Variants in KCND3 observed in about 807,000 individuals in gnomAD.
The protein encoded by KCND3 is potassium voltage-gated channel subfamily D member 3, also known as A-type voltage-gated potassium channel KCND3.
KCND3 carries 9 observed loss-of-function variants against 51.1 expected under a neutral mutation model. The ratio of observed to expected loss-of-function variants is 0.18; its 90% CI spans 0.11 to 0.31. The LOEUF (loss-of-function observed/expected upper bound fraction) is 0.31. Among genes scored for constraint, KCND3 ranks in the 10% least tolerant of loss-of-function variants. The pLI, the probability that KCND3 is intolerant of heterozygous loss-of-function variation, is 1.00. For missense variants in KCND3, 526 were observed against 903.8 expected, an observed-to-expected ratio of 0.58 and a Z score of 5.36; for synonymous variants, 349 against 368.0, an observed-to-expected ratio of 0.95 and a Z score of 0.59.
chr1:111,785,906 A>G (rs1664583621), intron 3 of KCND3, among the ~76,000 whole-genome samples: 2 of 152,152 alleles, frequency 1.3e-5, no homozygotes, highest in African/African-American at 4.8e-5. Context: ...TGCTCAGTAA[A>G]TGTTTGTGGA....
At chr1:111,918,164 T>C (rs1671311032) in intron 2 of KCND3, among the ~76,000 whole-genome samples, 1 of 152,206 alleles carries the variant, frequency 6.6e-6, no homozygotes, top group Non-Finnish European at 1.5e-5. Context: ...GCAAGTGGCT[T>C]AGATTTAATG....
Position 111,778,419 on chromosome 1 carries a change from T to G in KCND3, c.1518+17A>C, listed in dbSNP as rs781055335. ...ATCAGAGAGAAAAACATCAATTGAA[T>G]TTTTAAAAAGTTATACCTTGATGGT... On this transcript the variant is annotated intron_variant, in intron 6 of 7. Coordinates refer to ENST00000302127, the MANE Select transcript of KCND3 (RefSeq NM_001378969.1). The G allele has an allele frequency of 2.7e-5, 43 of 1,610,518 alleles. 1 individual carries two copies. The highest frequency in any genetic ancestry group is 1.2e-4 in the Admixed American group (7 of 59,994).
At chr1:111,963,048 G>A (rs1430996520) in intron 2 of KCND3, among the ~76,000 whole-genome samples, 5 of 152,178 alleles carry the variant, frequency 3.3e-5, no homozygotes, top group African/African-American at 4.8e-5. Flanking sequence ...GAGATCTTGA[G>A]CAGGCCACCA....
At chr1:111,851,039 T>C (rs1667792744) in intron 2 of KCND3, among the ~76,000 whole-genome samples, 2 of 152,272 alleles carry the variant, frequency 1.3e-5, no homozygotes, top group South Asian at 2.1e-4. Flanking sequence ...CTTAGAATCA[T>C]TCCCACTGAC....
intron 2 of KCND3, among the ~76,000 whole-genome samples, chr1:111,873,418 G>T (rs959794808): frequency 1.3e-5 from 2 of 152,210 alleles, no homozygotes; most frequent in Admixed American, 6.5e-5. Context: ...TGGCATGATA[G>T]GTGGTGGGAA....
intron 2 of KCND3, among the ~76,000 whole-genome samples, chr1:111,864,314 TG>T (rs1668460309): frequency 6.6e-6 from 1 of 152,150 alleles, no homozygotes; most frequent in South Asian, 2.1e-4. Flanking sequence ...TTGCTGTTGG[TG>T]GGGCAGCCTC....
chr1:111,974,420 A>T (rs1026984679), intron 2 of KCND3, among the ~76,000 whole-genome samples: 2 of 151,760 alleles, frequency 1.3e-5, no homozygotes, highest in Admixed American at 6.6e-5. Context: ...CACTTAAGGT[A>T]TGAGTATTTG....
intron 2 of KCND3, among the ~76,000 whole-genome samples, chr1:111,891,385 T>A (rs903495280): frequency 3.3e-5 from 5 of 152,150 alleles, no homozygotes; most frequent in African/African-American, 1.2e-4. Flanking sequence ...AAGGAATAAA[T>A]AACAGAATGT....
intron 2 of KCND3, among the ~76,000 whole-genome samples, chr1:111,870,537 C>T (rs1668783946): frequency 6.6e-6 from 1 of 152,176 alleles, no homozygotes; most frequent in African/African-American, 2.4e-5. Context: ...AAGATAAGAG[C>T]ATCAGGGATC....
chr1:111,919,841 C>T (rs538730393), intron 2 of KCND3, among the ~76,000 whole-genome samples: 5 of 152,314 alleles, frequency 3.3e-5, no homozygotes, highest in South Asian at 2.1e-4. Flanking sequence ...AGGATTCAAA[C>T]CGATTTGAAA....
At chr1:111,985,917 G>C (rs1168426571) in intron 1 of KCND3, among the ~76,000 whole-genome samples, 1 of 140,108 alleles carries the variant, frequency 7.1e-6, no homozygotes. Flanking sequence ...CTGATTACTG[G>C]AACTGAGGAA....
intron 2 of KCND3, among the ~76,000 whole-genome samples, chr1:111,804,147 C>G: frequency 6.6e-6 from 1 of 152,232 alleles, no homozygotes; most frequent in East Asian, 1.9e-4. Context: ...TCCCCCAACC[C>G]CTGCTGCTGC....
chr1:111,978,158 C>T (rs1227696218), intron 2 of KCND3, among the ~76,000 whole-genome samples: 1 of 152,172 alleles, frequency 6.6e-6, no homozygotes, highest in Non-Finnish European at 1.5e-5. Flanking sequence ...CCAGGAGATC[C>T]CTCCCTGGAG....
chr1:111,847,139 C>G (rs1243372302), intron 2 of KCND3, among the ~76,000 whole-genome samples: 2 of 152,214 alleles, frequency 1.3e-5, no homozygotes, highest in African/African-American at 4.8e-5. Context: ...GGAGGCAGGG[C>G]AAACTGGCCA....
chr1:111,967,243 C>T (rs1418847212), intron 2 of KCND3, among the ~76,000 whole-genome samples: 2 of 152,018 alleles, frequency 1.3e-5, no homozygotes, highest in Admixed American at 6.5e-5. Context: ...TTGCCCTCTG[C>T]TGGGGAGGGT....
intron 2 of KCND3, among the ~76,000 whole-genome samples, chr1:111,894,761 C>T (rs757254690): frequency 7.4e-4 from 112 of 152,134 alleles, no homozygotes; most frequent in Non-Finnish European, 9.6e-4. Flanking sequence ...GCTCTGGCTA[C>T]GGGGACTGTG....
chr1:111,809,078 A>G (rs1665711663), intron 2 of KCND3, among the ~76,000 whole-genome samples: 1 of 152,136 alleles, frequency 6.6e-6, no homozygotes, highest in South Asian at 2.1e-4. Context: ...TCTGGGAGAG[A>G]AAGAAGAGAG....
chr1:111,807,716 C>G (rs978425569), intron 2 of KCND3, among the ~76,000 whole-genome samples: 3 of 152,148 alleles, frequency 2.0e-5, no homozygotes, highest in Non-Finnish European at 4.4e-5. Context: ...AGGTTTGTAG[C>G]TTAGGAGCAA....
intron 2 of KCND3, among the ~76,000 whole-genome samples, chr1:111,864,376 C>T (rs1261999132): frequency 6.6e-6 from 1 of 152,130 alleles, no homozygotes; most frequent in Non-Finnish European, 1.5e-5. Flanking sequence ...GTAAGAATTT[C>T]CCTTCAGTAA....
Sources: allele counts gnomAD v4.1 joint callset (sites outside exome capture counted in the v4.1 genomes callset), GRCh38; gene constraint gnomAD v4.1.1; transcripts MANE v1.5; gene names NCBI Gene and HGNC (gene_info 2026-07-23, HGNC 2026-07-21).